Variants in CAP2 observed in about 807,000 individuals in gnomAD.
The protein encoded by CAP2 is adenylyl cyclase-associated protein 2.
Under a neutral mutation model 57.7 loss-of-function variants are expected in CAP2, and 24 were observed. That is an observed-to-expected ratio of 0.42 (90% confidence interval 0.30 to 0.58). The LOEUF (loss-of-function observed/expected upper bound fraction) is 0.58, where lower values mean the gene tolerates loss of function less well. CAP2 is among the 20% of genes least tolerant of loss of function. CAP2 has a pLI of 0.22. For missense variants in CAP2, 501 were observed against 590.3 expected (o/e 0.85, Z 1.57); for synonymous variants, 194 against 207.2 (o/e 0.94, Z 0.55).
At chr6:17,475,913 T>C (rs1332068354) in intron 4 of CAP2, among the ~76,000 whole-genome samples, 1 of 152,232 alleles carries the variant, frequency 6.6e-6, no homozygotes. Context: ...GGAATCTCTA[T>C]ATAGAATAAT....
At chr6:17,411,519 G>T (rs1759140675) in intron 1 of CAP2, among the ~76,000 whole-genome samples, 1 of 152,166 alleles carries the variant, frequency 6.6e-6, no homozygotes, top group Admixed American at 6.5e-5. Context: ...TTGGAGTCTT[G>T]ATTTGCATTT....
intron 4 of CAP2, among the ~76,000 whole-genome samples, chr6:17,493,162 TTTTA>T (rs1761584685): frequency 6.6e-6 from 1 of 152,226 alleles, no homozygotes; most frequent in African/African-American, 2.4e-5. Context: ...GAAGCTTAAT[TTTTA>T]TTTGTCACTT....
chr6:17,485,072 C>T (rs528043199), intron 4 of CAP2, among the ~76,000 whole-genome samples: 4 of 151,812 alleles, frequency 2.6e-5, no homozygotes, highest in South Asian at 2.1e-4. Flanking sequence ...GATGTTGGGG[C>T]GTTCATCAGG....
intron 4 of CAP2, among the ~76,000 whole-genome samples, chr6:17,503,446 A>G (rs1761884492): frequency 6.6e-6 from 1 of 152,042 alleles, no homozygotes; most frequent in Non-Finnish European, 1.5e-5. Flanking sequence ...TCTTCTAACA[A>G]TACAAAAATT....
chr6:17,537,995 A>G (rs1286178102), intron 7 of CAP2, among the ~76,000 whole-genome samples: 1 of 152,092 alleles, frequency 6.6e-6, no homozygotes, highest in Non-Finnish European at 1.5e-5. Context: ...TGAACCTGGG[A>G]GACTGATGTT....
chr6:17,548,022 A>T (rs1275304149), intron 11 of CAP2, among the ~76,000 whole-genome samples: 2 of 152,064 alleles, frequency 1.3e-5, no homozygotes, highest in African/African-American at 2.4e-5. Flanking sequence ...AGGGTATAAT[A>T]TGAACATGCA....
chr6:17,507,086 C>A, intron 4 of CAP2, 83 bp from the exon 5 acceptor site: 1 of 1,426,692 alleles, frequency 7.0e-7, no homozygotes, highest in East Asian at 2.3e-5. Flanking sequence ...GTCCTGAATT[C>A]TCCTGCTTAG....
rs1430193678 is a variant in CAP2, at chr6:17,551,504, A to G, written c.1250A>G (p.Glu417Gly). The G allele has an allele frequency of 3.7e-6, 6 of 1,610,674 alleles. No individual in the cohort carries two copies. Among genetic ancestry groups the G allele is most frequent in the Admixed American group, 3.3e-5 (2 of 59,786 alleles). ...RVPTISINKT[E>G]GCHIYLSEDA... ...CCAACAATTTCCATTAATAAGACAG[A>G]AGGTTGCCACATATACCTCAGTGAA... The change falls in exon 12 of 13, where the codon GAA becomes GGA. Residue 417 changes from glutamate (E) to glycine (G), a missense_variant. Physicochemically the swap from Glu to Gly is moderately conservative, Grantham distance 98 (BLOSUM62 -2). Transcript: ENST00000229922.
intron 4 of CAP2, among the ~76,000 whole-genome samples, chr6:17,501,557 G>GC (rs1156581835): frequency 6.6e-6 from 1 of 152,122 alleles, no homozygotes; most frequent in Non-Finnish European, 1.5e-5. Context: ...GAAATAACAG[G>GC]CCTATTTTGT....
In CAP2 at chr6:17,540,955, T is replaced by C. The variant is rs748067794; in HGVS notation, c.827-18T>C. On this transcript the variant is annotated intron_variant, in intron 8 of 12. Transcript: ENST00000229922. ...CCTTTGCATAAAATAAATGTGTCCATGTGTGTTGTCCTCCTAGGGCTCCGC... is the reference window on the plus strand; with the variant it reads ...CCTTTGCATAAAATAAATGTGTCCACGTGTGTTGTCCTCCTAGGGCTCCGC... 1.9e-6 allele frequency: 3 copies of C among 1,608,356 alleles called. No homozygotes were observed. The highest frequency in any genetic ancestry group is 2.2e-5 in the South Asian group (2 of 90,682).
intron 7 of CAP2, among the ~76,000 whole-genome samples, chr6:17,539,018 AGG>A (rs3215781): frequency 0.018 from 2,781 of 152,268 alleles, 83 homozygotes; most frequent in East Asian, 0.12. Flanking sequence ...ATTTGGCAGC[AGG>A]GCTCATTGCC....
chr6:17,515,196 C>CA (rs1369925215), intron 7 of CAP2, among the ~76,000 whole-genome samples: 1,052 of 98,192 alleles, frequency 0.011, 1 homozygote, highest in East Asian at 0.016. Flanking sequence ...GACTCTGTCT[C>CA]AAAAAAAAAA....
chr6:17,507,520 A>G, intron 5 of CAP2, 121 bp from the exon 6 acceptor site: 1 of 795,940 alleles, frequency 1.3e-6, no homozygotes, highest in Non-Finnish European at 2.1e-6. Flanking sequence ...TTACAGAGCA[A>G]CATGTGCCTC....
intron 3 of CAP2, among the ~76,000 whole-genome samples, chr6:17,450,330 G>A (rs1173242285): frequency 1.3e-5 from 2 of 152,188 alleles, no homozygotes; most frequent in African/African-American, 2.4e-5. Context: ...AAATACAGGC[G>A]TGAGCCACCA....
chr6:17,417,799 T>C (rs2113526880), intron 1 of CAP2, among the ~76,000 whole-genome samples: 1 of 152,166 alleles, frequency 6.6e-6, no homozygotes, highest in Admixed American at 6.5e-5. Context: ...ATCTGGCTTC[T>C]CTTTGTTCTT....
At chr6:17,401,628 A>C (rs543594098) in intron 1 of CAP2, among the ~76,000 whole-genome samples, 1 of 152,340 alleles carries the variant, frequency 6.6e-6, no homozygotes, top group East Asian at 1.9e-4. Context: ...AGGTAGGCTA[A>C]ATGCAGATAG....
At chr6:17,451,251 A>G (rs550341204) in intron 3 of CAP2, among the ~76,000 whole-genome samples, 22 of 152,126 alleles carry the variant, frequency 1.4e-4, no homozygotes, top group Non-Finnish European at 2.9e-4. Flanking sequence ...AAATAATAAT[A>G]ATAACATTTC....
intron 11 of CAP2, among the ~76,000 whole-genome samples, chr6:17,549,670 G>A (rs141928298): frequency 2.0e-5 from 3 of 152,298 alleles, no homozygotes; most frequent in Non-Finnish European, 4.4e-5. Flanking sequence ...CATTCAGACT[G>A]TCCTTACTTT....
chr6:17,505,463 G>A (rs1761955193), intron 4 of CAP2, among the ~76,000 whole-genome samples: 2 of 152,132 alleles, frequency 1.3e-5, no homozygotes, highest in African/African-American at 2.4e-5. Context: ...CCCTCACCCA[G>A]GCCACCCCCG....
Sources: allele counts gnomAD v4.1 joint callset (sites outside exome capture counted in the v4.1 genomes callset), GRCh38; gene constraint gnomAD v4.1.1; transcripts MANE v1.5; gene names NCBI Gene and HGNC (gene_info 2026-07-23, HGNC 2026-07-21).